The following SAXO1 variants were observed in gnomAD, a reference collection of about 807,000 sequenced individuals.
SAXO1 encodes stabilizer of axonemal microtubules 1.
In SAXO1, 21 loss-of-function variants were observed where a neutral mutation model predicts 17.5. The observed-to-expected ratio is 1.20, with a 90% CI of 0.85 to 1.72. The LOEUF (loss-of-function observed/expected upper bound fraction) is 1.72. Among genes scored for constraint, SAXO1 ranks in the 40% most tolerant of loss-of-function variants. SAXO1 has a pLI of 0.00. For missense variants in SAXO1, 843 were observed against 596.0 expected (o/e 1.41, Z -4.32); for synonymous variants, 274 against 216.5 (o/e 1.27, Z -2.33).
chr9:18,992,304 C>A (rs1563966593), intron 1 of SAXO1, among the ~76,000 whole-genome samples: 1 of 152,188 alleles, frequency 6.6e-6, no homozygotes, highest in African/African-American at 2.4e-5. Context: ...ATGTGTTGCT[C>A]TGAGCTTCTG....
At chr9:18,965,142 C>G (rs1588450021) in intron 1 of SAXO1, among the ~76,000 whole-genome samples, 1 of 152,136 alleles carries the variant, frequency 6.6e-6, no homozygotes, top group Non-Finnish European at 1.5e-5. Flanking sequence ...GATTTCCATT[C>G]TTTTGCATTT....
chr9:18,958,306 T>C (rs200067317), intron 1 of SAXO1, among the ~76,000 whole-genome samples: 1 of 151,948 alleles, frequency 6.6e-6, no homozygotes, highest in African/African-American at 2.4e-5. Flanking sequence ...CACCTGTAAT[T>C]CCAGCTACTC....
chr9:18,995,993 C>G (rs2152463), intron 1 of SAXO1, among the ~76,000 whole-genome samples: 79,702 of 151,018 alleles, frequency 0.53, 22,234 homozygotes, highest in Non-Finnish European at 0.63. Flanking sequence ...GCAGGAGAAT[C>G]GCTTGAATCC....
At chr9:19,034,823 A>C (rs1267939974), upstream of SAXO1, among the ~76,000 whole-genome samples, 1 of 152,324 alleles carries the variant, frequency 6.6e-6, no homozygotes, top group East Asian at 1.9e-4. Flanking sequence ...TTACAGAGGA[A>C]ATACAGTGCT....
rs543420050 is a variant in SAXO1 at position 19,013,968 on chromosome 9, G to C, written c.38+18903C>G. 3.0e-4 allele frequency among the ~76,000 whole-genome samples: 45 copies of C among 152,262 alleles called. 1 individual carries two copies. In the South Asian group the frequency reaches 5.4e-3, roughly 18 times the overall value. On this transcript the variant is annotated intron_variant, in intron 1 of 3. Coordinates refer to ENST00000380534, the MANE Select transcript of SAXO1 (RefSeq NM_153707.4). ...GTTAGTCTGTAACAGAGTCTGGTGA[G>C]TCTGAAATACAGGTTGTCAGTATAG...
chr9:18,928,548 T>C lies in SAXO1; in HGVS notation c.929A>G (p.His310Arg). 2 of 1,614,038 alleles carry C rather than the reference T, an allele frequency of 1.2e-6. No homozygotes were observed. Among genetic ancestry groups the C allele is most frequent in the South Asian group, 1.1e-5 (1 of 91,078 alleles). The change falls in exon 4 of 4, where the codon CAT becomes CGT. Residue 310 changes from histidine to arginine, a missense_variant. Transcript: ENST00000380534. ...RMDLLTTVQAHYTCPKGAPAQ... is the reference protein window; with the variant it reads ...RMDLLTTVQARYTCPKGAPAQ... The stretch of plus-strand genomic sequence containing the variant: ...TGGGGCACCCTTAGGGCATGTGTAA[T>C]GGGCCTGCACTGTTGTCAGAAGATC...
At chr9:18,963,686 T>C (rs1014613846) in intron 1 of SAXO1, among the ~76,000 whole-genome samples, 3 of 152,188 alleles carry the variant, frequency 2.0e-5, no homozygotes, top group Non-Finnish European at 2.9e-5. Context: ...CTTAAAGAGT[T>C]TTGGGGCTGA....
At chr9:18,969,771 C>G (rs1349595168) in intron 1 of SAXO1, among the ~76,000 whole-genome samples, 1 of 152,198 alleles carries the variant, frequency 6.6e-6, no homozygotes, top group Non-Finnish European at 1.5e-5. Context: ...TTATCTTATT[C>G]TTTCTGCAGC....
chr9:18,978,036 T>C (rs1043297786), intron 1 of SAXO1, among the ~76,000 whole-genome samples: 2 of 144,480 alleles, frequency 1.4e-5, no homozygotes, highest in Admixed American at 6.9e-5. Context: ...TCCAAAACGA[T>C]TGTTCCAGAG....
At chr9:19,015,247 C>T (rs943762756) in intron 1 of SAXO1, among the ~76,000 whole-genome samples, 11 of 152,196 alleles carry the variant, frequency 7.2e-5, no homozygotes, top group African/African-American at 2.4e-4. Flanking sequence ...CTTACCGCAG[C>T]CTCAAGCTCC....
rs145927682 is a variant in SAXO1 at position 18,967,031 on chromosome 9, G to C, written c.39-16094C>G. On this transcript the variant is annotated intron_variant, in intron 1 of 3. Coordinates refer to ENST00000380534, the MANE Select transcript of SAXO1 (RefSeq NM_153707.4). ...TCTGCAGGTCTGCTAGAGTTTGATG[G>C]AGGTGCATTCCAGACCCTGTTTGCC... Among the ~76,000 whole-genome samples the C allele has an allele frequency of 3.8e-4, 58 of 152,290 alleles. No individual in the cohort carries two copies. The East Asian group carries it at 0.011, about 28-fold the overall frequency.
Position 19,024,012 on chromosome 9 carries a change from C to CTTTTTTTT in SAXO1, c.38+8851_38+8858dup, listed in dbSNP as rs71333077. On this transcript the variant is annotated intron_variant, in intron 1 of 3. Transcript: ENST00000380534. The stretch of plus-strand genomic sequence containing the variant: ...GAAGAAGAAATGCTACTCTTTAAGG[C>CTTTTTTTT]TTTTTTTTTTTTTTTTTTTTTTTTT... Among the ~76,000 whole-genome samples the CTTTTTTTT allele has an allele frequency of 3.4e-4, 13 of 38,132 alleles. 1 individual carries two copies. Among genetic ancestry groups the CTTTTTTTT allele is most frequent in the African/African-American group, 8.7e-4 (8 of 9,176 alleles). The allele number at this position is 38,132 out of a possible 152,430, so 25.0% of individuals were successfully genotyped here.
At chr9:18,948,792 A>G (rs1157743419) in intron 2 of SAXO1, among the ~76,000 whole-genome samples, 1 of 152,190 alleles carries the variant, frequency 6.6e-6, no homozygotes, top group African/African-American at 2.4e-5. Context: ...ATCCCTGTCT[A>G]TACTTTCAGG....
rs557936446 is a variant in SAXO1, at chr9:18,927,701, G to C, written c.*351C>G. On this transcript the variant is annotated 3_prime_UTR_variant, in exon 4 of 4. Transcript: ENST00000380534. ...ATTTATTCTTTGGCGCTTCATACTT[G>C]GCAAGGGTTAATCATTATGTCAGTT... is the stretch of plus-strand genomic sequence containing the variant. The C allele has an allele frequency of 4.1e-4, 79 of 193,504 alleles. No individual in the cohort carries two copies. Among genetic ancestry groups the C allele is most frequent in the African/African-American group, 1.7e-3 (72 of 43,188 alleles). 12.0% of individuals were successfully genotyped at this position (193,504 alleles called of 1,614,324 possible).
chr9:19,023,235 G>A (rs1835324012), intron 1 of SAXO1, among the ~76,000 whole-genome samples: 1 of 141,358 alleles, frequency 7.1e-6, no homozygotes, highest in South Asian at 2.2e-4. Flanking sequence ...TCTTCTCTAG[G>A]GTGCGAGCTC....
At chr9:18,942,013 C>T (rs923209862) in intron 2 of SAXO1, among the ~76,000 whole-genome samples, 174 bp from the exon 3 acceptor site, 1 of 140,854 alleles carries the variant, frequency 7.1e-6, no homozygotes, top group African/African-American at 3.0e-5. Context: ...AGGGTACCAT[C>T]AATTCCTTCT....
chr9:19,036,705 G>T (rs1835949972), upstream of SAXO1, among the ~76,000 whole-genome samples: 1 of 152,156 alleles, frequency 6.6e-6, no homozygotes. Context: ...GAAATGCCTG[G>T]ATGTCCAAGC....
At chr9:19,025,271 T>G (rs111333743) in intron 1 of SAXO1, among the ~76,000 whole-genome samples, 69 of 152,058 alleles carry the variant, frequency 4.5e-4, no homozygotes, top group African/African-American at 1.5e-3. Context: ...GTTCTTTGTG[T>G]TTTTTTTCCT....
intron 1 of SAXO1, among the ~76,000 whole-genome samples, chr9:19,011,848 G>GTT (rs10646825): frequency 0.018 from 2,650 of 143,516 alleles, 126 homozygotes; most frequent in South Asian, 0.052. Context: ...ATTAAGCATA[G>GTT]ATTTTTTTTT....
Sources: gnomAD v4.1 joint callset for allele counts (sites outside exome capture counted in the v4.1 genomes callset) on GRCh38, gnomAD v4.1.1 for gene constraint, MANE v1.5 for transcripts, NCBI Gene and HGNC (gene_info 2026-07-23, HGNC 2026-07-21) for gene names.